ABCG8: variants seen among roughly 807,000 people sequenced by gnomAD.
ABCG8 encodes the protein ATP-binding cassette sub-family G member 8.
Under a neutral mutation model 71.3 loss-of-function variants are expected in ABCG8, and 81 were observed. The ratio of observed to expected loss-of-function variants is 1.14; its 90% CI spans 0.95 to 1.37. ABCG8 has a LOEUF of 1.37. Ranked by LOEUF, ABCG8 falls within the 40% of genes most tolerant of loss-of-function variation. The pLI, the probability that ABCG8 is intolerant of heterozygous loss-of-function variation, is 0.00. For missense variants in ABCG8, 1,119 were observed against 866.2 expected (o/e 1.29, Z -3.66); for synonymous variants, 451 against 354.7 (o/e 1.27, Z -3.05).
In ABCG8 at chr2:43,852,616, GAAC is replaced by G; in HGVS notation, c.713_715del (p.Glu238_Pro239delinsAla). The G allele has an allele frequency of 6.2e-7, 1 of 1,614,138 alleles. No homozygotes were observed. The highest frequency in any genetic ancestry group is 8.5e-7 in the Non-Finnish European group (1 of 1,180,026). On this transcript the variant is annotated inframe_deletion, in exon 6 of 13. Transcript: ENST00000272286. The stretch of plus-strand genomic sequence containing the variant: ...TTGGAAAGGAATCCTTATTCTCGAC[GAAC>G]CCACCTCTGGGCTCGACAGCTTCAC...
intron 2 of ABCG8, among the ~76,000 whole-genome samples, chr2:43,845,275 G>A (rs946197630): frequency 1.3e-5 from 2 of 152,034 alleles, no homozygotes; most frequent in African/African-American, 4.8e-5. Flanking sequence ...GGGACATGGT[G>A]GGGTCTGGGA....
chr2:43,852,317 C>T, intron 4 of ABCG8, 37 bp from the exon 5 acceptor site: 1 of 1,611,734 alleles, frequency 6.2e-7, no homozygotes, highest in Non-Finnish European at 8.5e-7. Flanking sequence ...CTGAAGGAGG[C>T]CCCTGAGGTG....
rs116026982 is a variant in ABCG8 at position 43,875,522 on chromosome 2, C to A, written c.1756+109C>A. The A allele has an allele frequency of 6.2e-4, 860 of 1,389,954 alleles. 10 individuals are homozygous for A. In the African/African-American group the frequency reaches 0.011, roughly 18 times the overall value. 86.1% of individuals were successfully genotyped at this position (1,389,954 alleles called of 1,614,324 possible). A position where few individuals can be genotyped will look rare whatever the true frequency, so the allele number is the denominator to read the frequency against. On this transcript the variant is annotated intron_variant, in intron 11 of 12. Coordinates refer to ENST00000272286, the MANE Select transcript of ABCG8 (RefSeq NM_022437.3). ...CTTATCACTTAGATCCAACTCGAGGCTGGCCCTTCTGGAAGCAGAGGCCTT... is the reference window on the plus strand; with the variant it reads ...CTTATCACTTAGATCCAACTCGAGGATGGCCCTTCTGGAAGCAGAGGCCTT...
At position 43,846,141 on chromosome 2, in the gene ABCG8, A is replaced by G. The variant is rs1420594207; in HGVS notation, c.166-14A>G. Reference sequence around the variant, plus strand: ...ATTCAGCTCTCTAAGGAACCTTCTGATATCTCCCCACAGGTGGACCTGGCC... The same window carrying G: ...ATTCAGCTCTCTAAGGAACCTTCTGGTATCTCCCCACAGGTGGACCTGGCC... On this transcript the variant is annotated splice_polypyrimidine_tract_variant and intron_variant, in intron 2 of 12. Coordinates refer to ENST00000272286, the MANE Select transcript of ABCG8 (RefSeq NM_022437.3). 1.2e-6 allele frequency: 2 copies of G among 1,612,578 alleles called. No homozygotes were observed. Among genetic ancestry groups the G allele is most frequent in the South Asian group, 1.1e-5 (1 of 90,986 alleles).
intron 6 of ABCG8, among the ~76,000 whole-genome samples, chr2:43,857,471 C>T (rs544310131): frequency 2.1e-4 from 32 of 151,700 alleles, no homozygotes; most frequent in African/African-American, 6.8e-4. Flanking sequence ...ATAGAACTCT[C>T]ACTATCTCTC....
At position 43,852,445 on chromosome 2, in the gene ABCG8, G is replaced by C; in HGVS notation, c.653G>C (p.Arg218Pro). 7 of 1,613,018 alleles carry C rather than the reference G, an allele frequency of 4.3e-6. No homozygotes were observed. Among genetic ancestry groups the C allele is most frequent in the Non-Finnish European group, 5.9e-6 (7 of 1,179,982 alleles). Reference sequence around the variant, plus strand: ...GTGCGGGGGTTGTCGGGGGGTGAGCGCAGGAGAGTCAGCATTGGGGTGCAG... The same window carrying C: ...GTGCGGGGGTTGTCGGGGGGTGAGCCCAGGAGAGTCAGCATTGGGGTGCAG... ...MYVRGLSGGE[R>P]RRVSIGVQLL... Residue 218 changes from arginine (R) to proline (P), a missense_variant, in exon 5 of 13, where the codon CGC (arginine) becomes CCC (proline). Physicochemically the swap from Arg to Pro is moderately radical, Grantham distance 103. Coordinates refer to ENST00000272286, the MANE Select transcript of ABCG8 (RefSeq NM_022437.3).
intron 3 of ABCG8, among the ~76,000 whole-genome samples, chr2:43,849,247 GACTGGGTA>G (rs1465962230): frequency 1.3e-5 from 2 of 151,476 alleles, no homozygotes; most frequent in Non-Finnish European, 2.9e-5. Flanking sequence ...AACTACCTGA[GACTGGGTA>G]ACTTATAAAG....
Position 43,866,824 on chromosome 2 carries a change from G to C in ABCG8, c.965-5152G>C, listed in dbSNP as rs548527337. On this transcript the variant is annotated intron_variant, in intron 6 of 12. Coordinates refer to ENST00000272286, the MANE Select transcript of ABCG8 (RefSeq NM_022437.3). ...GGATCTAGAACTAGAAATACTATTT[G>C]ACCCAGCCATCCCATTACTGGGTAT... Among the ~76,000 whole-genome samples, 5 of 145,410 alleles carry C rather than the reference G, an allele frequency of 3.4e-5. 1 individual carries two copies. The highest frequency in any genetic ancestry group is 7.6e-5 in the Non-Finnish European group (5 of 65,506).
chr2:43,865,916 TCTGA>T (rs1253018760), intron 6 of ABCG8, among the ~76,000 whole-genome samples: 1 of 152,096 alleles, frequency 6.6e-6, no homozygotes, highest in Non-Finnish European at 1.5e-5. Flanking sequence ...TGGATAGAAC[TCTGA>T]CTATCTATCT....
At chr2:43,843,581 G>T (rs375205351) in intron 1 of ABCG8, among the ~76,000 whole-genome samples, 16 of 152,218 alleles carry the variant, frequency 1.1e-4, no homozygotes, top group African/African-American at 3.9e-4. Flanking sequence ...TTGAGCCTGA[G>T]AGGTTGAGGA....
chr2:43,877,897 CA>C lies in ABCG8; in HGVS notation c.2008del (p.Ser670ValfsTer17). The C allele has an allele frequency of 6.2e-7, 1 of 1,614,096 alleles. No homozygotes were observed. On this transcript the variant is annotated frameshift_variant, in exon 13 of 13. Transcript: ENST00000272286. LOFTEE classifies it high-confidence loss of function. ...TCCTTAAGGTTCATCAAACAGAAAC[CA>C]AGTCAAGACTGGTGATTCACGCCAG... ...YVSLRFIKQK[P>X]SQDW
In ABCG8 at chr2:43,852,406, T is replaced by C; in HGVS notation, c.614T>C (p.Val205Ala). The C allele has an allele frequency of 6.2e-7, 1 of 1,612,440 alleles. No homozygotes were observed. Residue 205 changes from valine to alanine, a missense_variant, in exon 5 of 13, where the codon GTG (valine) becomes GCG (alanine). Val to Ala is a moderately conservative substitution (Grantham distance 64, BLOSUM62 0). Coordinates refer to ENST00000272286, the MANE Select transcript of ABCG8 (RefSeq NM_022437.3). Reference protein sequence around the residue: ...LRLRQCADTRVGNMYVRGLSG... With the variant: ...LRLRQCADTRAGNMYVRGLSG... ...CTTAGGCAGTGCGCTGACACCCGCG[T>C]GGGCAACATGTACGTGCGGGGGTTG...
intron 1 of ABCG8, among the ~76,000 whole-genome samples, chr2:43,842,177 T>G (rs570588502): frequency 6.6e-6 from 1 of 151,856 alleles, no homozygotes; most frequent in Non-Finnish European, 1.5e-5. Context: ...GCCCGGCAAT[T>G]TTTTTTTGTA....
intron 3 of ABCG8, among the ~76,000 whole-genome samples, chr2:43,849,356 A>G (rs1668842736): frequency 6.6e-6 from 1 of 152,222 alleles, no homozygotes; most frequent in Non-Finnish European, 1.5e-5. Context: ...GAAGCAAGGT[A>G]CATCTTACAT....
rs762541635 is a variant in ABCG8, at chr2:43,875,184, C to G, written c.1527C>G (p.Ile509Met). ...GELPEHCAYI[I>M]IYGMPTYWLA... ...TTCCGGAGCACTGTGCCTACATCAT[C>G]ATCTACGGGATGCCCACCTACTGGC... The change falls in exon 11 of 13, where the codon ATC (isoleucine) becomes ATG (methionine). Residue 509 changes from isoleucine to methionine, a missense_variant. Ile to Met is a conservative substitution (Grantham distance 10). Coordinates refer to ENST00000272286, the MANE Select transcript of ABCG8 (RefSeq NM_022437.3). The G allele has an allele frequency of 6.8e-6, 11 of 1,614,232 alleles. No homozygotes were observed. In the South Asian group the frequency reaches 1.2e-4, roughly 18 times the overall value.
At chr2:43,870,065 CTA>C (rs2104942689) in intron 6 of ABCG8, among the ~76,000 whole-genome samples, 1 of 151,866 alleles carries the variant, frequency 6.6e-6, no homozygotes, top group East Asian at 2.0e-4. Flanking sequence ...TGATAGAACT[CTA>C]TTTGTCTGCA....
intron 6 of ABCG8, among the ~76,000 whole-genome samples, chr2:43,869,418 G>C (rs1199510787): frequency 1.3e-5 from 2 of 151,950 alleles, no homozygotes; most frequent in Non-Finnish European, 2.9e-5. Context: ...TATCTGAATA[G>C]ATTTCTCACT....
intron 3 of ABCG8, among the ~76,000 whole-genome samples, chr2:43,849,628 G>A (rs894912897): frequency 1.3e-5 from 2 of 152,160 alleles, no homozygotes; most frequent in African/African-American, 4.8e-5. Context: ...GCTCCCCACC[G>A]CTCTCACAAA....
At chr2:43,872,938 G>A (rs6756778) in intron 8 of ABCG8, among the ~76,000 whole-genome samples, 60,544 of 151,870 alleles carry the variant, frequency 0.4, 13,481 homozygotes, top group East Asian at 0.86. Context: ...ACTGTGTGGC[G>A]TGTGTCTTTC....
Sources: gnomAD v4.1 joint callset for allele counts (sites outside exome capture counted in the v4.1 genomes callset) on GRCh38, gnomAD v4.1.1 for gene constraint, MANE v1.5 for transcripts, NCBI Gene and HGNC (gene_info 2026-07-23, HGNC 2026-07-21) for gene names.